GALNT9: variants seen among roughly 807,000 people sequenced by gnomAD.
GALNT9 encodes the protein GalNAc transferase 9.
Under a neutral mutation model 63.1 loss-of-function variants are expected in GALNT9, and 47 were observed. The ratio of observed to expected loss-of-function variants is 0.75; its 90% CI spans 0.59 to 0.95. GALNT9 has a LOEUF of 0.95. Among genes scored for constraint, GALNT9 ranks in the 40% least tolerant of loss-of-function variants. The probability of loss-of-function intolerance (pLI) is 0.00; values close to 1 mark genes in which losing one functional copy is unlikely to be tolerated. For missense variants in GALNT9, 829 were observed against 874.8 expected (o/e 0.95, Z 0.66); for synonymous variants, 396 against 365.7 (o/e 1.08, Z -0.94).
chr12:132,201,980 C>G (rs963580854), intron 7 of GALNT9, among the ~76,000 whole-genome samples: 1 of 152,250 alleles, frequency 6.6e-6, no homozygotes, highest in Middle Eastern at 3.2e-3. Context: ...CAGGGACCCT[C>G]CAGGCTCAGG....
At chr12:132,208,975 C>T (rs1262756802) in intron 6 of GALNT9, among the ~76,000 whole-genome samples, 1 of 152,212 alleles carries the variant, frequency 6.6e-6, no homozygotes, top group Non-Finnish European at 1.5e-5. Context: ...TTATTAATAG[C>T]ACCTCTGGTA....
chr12:132,287,032 G>A (rs139495206), intron 1 of GALNT9, among the ~76,000 whole-genome samples: 3 of 137,058 alleles, frequency 2.2e-5, no homozygotes, highest in Non-Finnish European at 4.6e-5. Context: ...TTGTCCAAAC[G>A]CACAGCAGGT....
intron 1 of GALNT9, among the ~76,000 whole-genome samples, chr12:132,297,367 AGATAACCAACTCACTCCCAT>A (rs1448171092): frequency 7.3e-5 from 11 of 150,024 alleles, no homozygotes; most frequent in Non-Finnish European, 1.3e-4. Context: ...GCCACTCCCG[AGATAACCAACTCACTCCCAT>A]GATAACCAAC....
chr12:132,269,799 C>G (rs546218299), intron 2 of GALNT9, among the ~76,000 whole-genome samples: 1 of 152,368 alleles, frequency 6.6e-6, no homozygotes, highest in South Asian at 2.1e-4. Flanking sequence ...TGGCCGCTCA[C>G]TTTCCCGTGT....
intron 1 of GALNT9, among the ~76,000 whole-genome samples, chr12:132,308,917 T>A (rs28613302): frequency 2.0e-5 from 3 of 151,540 alleles, no homozygotes; most frequent in African/African-American, 7.2e-5. Flanking sequence ...GGGCTCGGGA[T>A]GGCCGCACTG....
intron 10 of GALNT9, 64 bp from the exon 11 acceptor site, chr12:132,197,317 CAGG>C (rs1428808585): frequency 1.3e-6 from 2 of 1,581,844 alleles, no homozygotes; most frequent in African/African-American, 2.7e-5. Context: ...CCCCCCACCT[CAGG>C]GAGGCTGCTT....
At position 132,245,163 on chromosome 12, in the gene GALNT9, C is replaced by G. The variant is rs1249854507; in HGVS notation, c.1077+2747G>C. On this transcript the variant is annotated intron_variant, in intron 6 of 10. Coordinates refer to ENST00000328957, the MANE Select transcript of GALNT9 (RefSeq NM_001122636.2). This position sits in a 1 kb window ranked among gnomAD's most constrained non-coding sequence, Gnocchi z 6.3. ...CCATCAGAAAGGCCCCTATGTCAGC[C>G]AGGCGTGGTGGTTCACACCTGGAAT... Among the ~76,000 whole-genome samples the G allele has an allele frequency of 1.3e-5, 2 of 151,996 alleles. No homozygotes were observed. The highest frequency in any genetic ancestry group is 4.8e-5 in the African/African-American group (2 of 41,358).
intron 5 of GALNT9, among the ~76,000 whole-genome samples, chr12:132,255,729 A>G (rs999586797): frequency 2.6e-5 from 4 of 152,178 alleles, no homozygotes; most frequent in Non-Finnish European, 4.4e-5. Context: ...CACACCTGAC[A>G]TGTGTGCATT....
intron 4 of GALNT9, among the ~76,000 whole-genome samples, chr12:132,260,533 C>G (rs1879336171): frequency 6.6e-6 from 1 of 152,236 alleles, no homozygotes. Context: ...GCCTGAGAGG[C>G]CGGACTTCTG....
At chr12:132,302,885 G>A (rs1050825461) in intron 1 of GALNT9, among the ~76,000 whole-genome samples, 5 of 152,174 alleles carry the variant, frequency 3.3e-5, no homozygotes, top group Non-Finnish European at 4.4e-5. Flanking sequence ...GAGCGCAGAG[G>A]AGCTTTGAGC....
intron 6 of GALNT9, among the ~76,000 whole-genome samples, chr12:132,237,685 T>C (rs2136895522): frequency 1.3e-5 from 2 of 152,214 alleles, no homozygotes; most frequent in African/African-American, 4.8e-5. Context: ...GGGTGGGGGA[T>C]GGGGTCCCCT....
intron 1 of GALNT9, among the ~76,000 whole-genome samples, chr12:132,294,792 T>C (rs996933404): frequency 2.7e-5 from 4 of 149,978 alleles, no homozygotes; most frequent in African/African-American, 9.9e-5. Flanking sequence ...GATCTGTTAA[T>C]AGCTCTGAAA....
chr12:132,267,004 C>T (rs1879624591), intron 2 of GALNT9, among the ~76,000 whole-genome samples: 1 of 152,188 alleles, frequency 6.6e-6, no homozygotes, highest in Admixed American at 6.5e-5. Flanking sequence ...CTCCACTCAG[C>T]GAGCGAAAGG....
intron 7 of GALNT9, among the ~76,000 whole-genome samples, chr12:132,201,644 A>AC (rs34570945): frequency 0.59 from 89,009 of 152,002 alleles, 26,293 homozygotes; most frequent in Non-Finnish European, 0.6. Flanking sequence ...AGCCATATCC[A>AC]GAGACCAGCC....
At chr12:132,293,880 C>T (rs181727749) in intron 1 of GALNT9, among the ~76,000 whole-genome samples, 11 of 151,704 alleles carry the variant, frequency 7.3e-5, no homozygotes, top group East Asian at 3.9e-4. Context: ...CGGGGGATCC[C>T]GTATACAGTC....
chr12:132,213,613 G>A (rs1204047375), intron 6 of GALNT9, among the ~76,000 whole-genome samples: 1 of 152,004 alleles, frequency 6.6e-6, no homozygotes, highest in Non-Finnish European at 1.5e-5. Flanking sequence ...TCACACACAT[G>A]TGCACTCAGC....
At chr12:132,306,831 G>A (rs761412815) in intron 1 of GALNT9, among the ~76,000 whole-genome samples, 5 of 152,194 alleles carry the variant, frequency 3.3e-5, no homozygotes, top group Non-Finnish European at 7.3e-5. Flanking sequence ...CCCGCCGCGT[G>A]CCCGTGGTCA....
intron 1 of GALNT9, among the ~76,000 whole-genome samples, chr12:132,326,939 G>C (rs1869062053): frequency 6.6e-6 from 1 of 152,230 alleles, no homozygotes; most frequent in Admixed American, 6.5e-5. Flanking sequence ...GCCCCACCGG[G>C]GGTGAGAGTA....
At chr12:132,227,155 T>C (rs1179680023) in intron 6 of GALNT9, among the ~76,000 whole-genome samples, 1 of 152,128 alleles carries the variant, frequency 6.6e-6, no homozygotes, top group Non-Finnish European at 1.5e-5. Context: ...CTTCTAGAAA[T>C]TCAGCCTGAG....
Sources: allele counts gnomAD v4.1 joint callset (sites outside exome capture counted in the v4.1 genomes callset), GRCh38; gene constraint gnomAD v4.1.1; non-coding constraint Gnocchi (gnomAD v3.1); transcripts MANE v1.5; gene names NCBI Gene and HGNC (gene_info 2026-07-23, HGNC 2026-07-21).